The following ANKRD33B variants were observed in gnomAD, a reference collection of about 807,000 sequenced individuals.
The protein encoded by ANKRD33B is ankyrin repeat domain-containing protein 33B.
Under a neutral mutation model 21.5 loss-of-function variants are expected in ANKRD33B, and 6 were observed. That is an observed-to-expected ratio of 0.28 (90% confidence interval 0.15 to 0.55). ANKRD33B has a LOEUF of 0.55. Ranked by LOEUF, ANKRD33B falls within the 20% of genes least tolerant of loss-of-function variation. ANKRD33B has a pLI of 0.94. For synonymous variants in ANKRD33B, 347 were observed against 342.4 expected, an observed-to-expected ratio of 1.01 and a Z score of -0.15; for missense variants, 698 against 747.2, an observed-to-expected ratio of 0.93 and a Z score of 0.77.
At chr5:10,586,686 G>A in intron 1 of ANKRD33B, among the ~76,000 whole-genome samples, 1 of 152,154 alleles carries the variant, frequency 6.6e-6, no homozygotes, top group East Asian at 1.9e-4. Flanking sequence ...GTATCTTGCA[G>A]TCACAGCCAG....
intron 1 of ANKRD33B, among the ~76,000 whole-genome samples, chr5:10,613,257 T>A (rs1736211410): frequency 6.6e-6 from 1 of 151,042 alleles, no homozygotes. Context: ...ATAGTGGTTA[T>A]TGTAAAACTA....
At chr5:10,578,111 T>C (rs896996252) in intron 1 of ANKRD33B, among the ~76,000 whole-genome samples, 1 of 152,202 alleles carries the variant, frequency 6.6e-6, no homozygotes, top group Non-Finnish European at 1.5e-5. Context: ...TCACACACTG[T>C]GATGGGTGGA....
At chr5:10,626,642 C>T (rs549735396) in intron 2 of ANKRD33B, among the ~76,000 whole-genome samples, 1 of 152,302 alleles carries the variant, frequency 6.6e-6, no homozygotes, top group South Asian at 2.1e-4. Context: ...GAAATACATT[C>T]GCCTTTTCCT....
At chr5:10,622,370 C>T (rs909941048) in intron 2 of ANKRD33B, among the ~76,000 whole-genome samples, 8 of 152,156 alleles carry the variant, frequency 5.3e-5, no homozygotes, top group African/African-American at 1.9e-4. Context: ...AGAATACCAC[C>T]ACTGCTACCA....
intron 3 of ANKRD33B, among the ~76,000 whole-genome samples, chr5:10,648,509 C>T (rs1444216035): frequency 6.6e-6 from 1 of 152,220 alleles, no homozygotes; most frequent in Non-Finnish European, 1.5e-5. Flanking sequence ...CCTGTAATCC[C>T]AGCACTTTGG....
chr5:10,590,890 A>G (rs556152030), intron 1 of ANKRD33B, among the ~76,000 whole-genome samples: 1 of 152,222 alleles, frequency 6.6e-6, no homozygotes, highest in African/African-American at 2.4e-5. Context: ...CTGGAATACA[A>G]TCAGGCCTGC....
At chr5:10,618,219 G>C in intron 1 of ANKRD33B, 114 bp from the exon 2 acceptor site, 1 of 1,392,616 alleles carries the variant, frequency 7.2e-7, no homozygotes. Context: ...CCAGGTCCCT[G>C]TCATTGCCTT....
intron 1 of ANKRD33B, among the ~76,000 whole-genome samples, chr5:10,591,194 G>GTTTTTTTTTTTTTTTTTTTTTTTTTT (rs749837253): frequency 8.8e-6 from 1 of 113,454 alleles, no homozygotes. Flanking sequence ...TTTTTTTAGT[G>GTTTTTTTTTTTTTTTTTTTTTTTTTT]GTTTTTTTTT....
At chr5:10,588,000 C>T (rs188843046) in intron 1 of ANKRD33B, among the ~76,000 whole-genome samples, 107 of 152,244 alleles carry the variant, frequency 7.0e-4, no homozygotes, top group Non-Finnish European at 7.4e-5. Context: ...TTATTGTACC[C>T]AGTTTTCCTT....
At position 10,596,003 on chromosome 5, in the gene ANKRD33B, TATC is replaced by T. The variant is rs201470737; in HGVS notation, c.367-22327_367-22325del. Among the ~76,000 whole-genome samples the T allele has an allele frequency of 2.6e-5, 4 of 152,308 alleles. No individual in the cohort carries two copies. In the East Asian group the frequency reaches 7.7e-4, roughly 29 times the overall value. On this transcript the variant is annotated intron_variant, in intron 1 of 3. Coordinates refer to ENST00000296657, the MANE Select transcript of ANKRD33B (RefSeq NM_001164440.2). Reference sequence around the variant, plus strand: ...GCTGACTCATAGGAAAGTTTGAAAATATCATGTTTCGCCTATGCCTGGGGGATC... The same window carrying T: ...GCTGACTCATAGGAAAGTTTGAAAATATGTTTCGCCTATGCCTGGGGGATC...
chr5:10,613,175 C>T (rs1169316149), intron 1 of ANKRD33B, among the ~76,000 whole-genome samples: 1 of 152,122 alleles, frequency 6.6e-6, no homozygotes. Flanking sequence ...TCTTCTTCTG[C>T]AGACTGTGCT....
chr5:10,612,153 C>T (rs1176311187), intron 1 of ANKRD33B, among the ~76,000 whole-genome samples: 3 of 152,140 alleles, frequency 2.0e-5, no homozygotes, highest in Non-Finnish European at 4.4e-5. Context: ...AGTATCCTTC[C>T]CTTTGGAATC....
rs147174168 is a variant in ANKRD33B, at chr5:10,568,685, C to T, written c.366+3852C>T. ...ACATACCTGGGATTACAGGCGTGCG[C>T]CACCACGCCCGGCTAATTTTTGTAT... is the stretch of plus-strand genomic sequence containing the variant. On this transcript the variant is annotated intron_variant, in intron 1 of 3. Coordinates refer to ENST00000296657, the MANE Select transcript of ANKRD33B (RefSeq NM_001164440.2). Among the ~76,000 whole-genome samples the T allele has an allele frequency of 9.5e-4, 144 of 152,336 alleles. 1 individual carries two copies. The highest frequency in any genetic ancestry group is 3.4e-3 in the African/African-American group (140 of 41,568).
intron 1 of ANKRD33B, among the ~76,000 whole-genome samples, chr5:10,574,100 G>T (rs1735263736): frequency 6.6e-6 from 1 of 152,192 alleles, no homozygotes; most frequent in African/African-American, 2.4e-5. Context: ...GCGTGAGCAG[G>T]CGTGTACACA....
chr5:10,628,485 C>A (rs1372324996), intron 2 of ANKRD33B, among the ~76,000 whole-genome samples: 1 of 151,824 alleles, frequency 6.6e-6, no homozygotes, highest in Non-Finnish European at 1.5e-5. Flanking sequence ...CTCGGCCAGC[C>A]CAGCTAATTT....
intron 3 of ANKRD33B, among the ~76,000 whole-genome samples, chr5:10,644,737 A>G: frequency 6.6e-6 from 1 of 152,222 alleles, no homozygotes; most frequent in East Asian, 1.9e-4. Flanking sequence ...TGAAGTGTGA[A>G]TTTGCCATGT....
At chr5:10,600,933 G>A (rs375630614) in intron 1 of ANKRD33B, among the ~76,000 whole-genome samples, 1 of 149,390 alleles carries the variant, frequency 6.7e-6, no homozygotes, top group African/African-American at 2.5e-5. Flanking sequence ...ATTTGGAAAA[G>A]GTTATAATTT....
chr5:10,647,600 A>G (rs1737217799), intron 3 of ANKRD33B, among the ~76,000 whole-genome samples: 1 of 151,626 alleles, frequency 6.6e-6, no homozygotes, highest in East Asian at 2.0e-4. Flanking sequence ...GACTAGTGTC[A>G]GGGAGACTGT....
In ANKRD33B at chr5:10,639,914, CGTG is replaced by C. The variant is rs1365931143; in HGVS notation, c.637+1748_637+1750del. 2.0e-4 allele frequency among the ~76,000 whole-genome samples: 7 copies of C among 34,336 alleles called. 2 individuals are homozygous for C. Among genetic ancestry groups the C allele is most frequent in the East Asian group, 1.3e-3 (1 of 792 alleles). The allele number at this position is 34,336 out of a possible 152,430, so 22.5% of individuals were successfully genotyped here. Reference sequence around the variant, plus strand: ...GTTGTGCGGCGATGTTAGCGGGTGACGTGGGGTTGCGCGGCGATGTTAGGCGGT... The same window carrying C: ...GTTGTGCGGCGATGTTAGCGGGTGACGGGTTGCGCGGCGATGTTAGGCGGT... On this transcript the variant is annotated intron_variant, in intron 3 of 3. Transcript: ENST00000296657.
Sources: allele counts gnomAD v4.1 joint callset (sites outside exome capture counted in the v4.1 genomes callset), GRCh38; gene constraint gnomAD v4.1.1; transcripts MANE v1.5; gene names NCBI Gene and HGNC (gene_info 2026-07-23, HGNC 2026-07-21).